The following WWOX variants were observed in gnomAD, a reference collection of about 807,000 sequenced individuals.
The protein encoded by WWOX is WW domain-containing oxidoreductase.
A neutral mutation model predicts 46.2 loss-of-function variants in WWOX; 69 were observed. The observed-to-expected ratio is 1.49, with a 90% CI of 1.23 to 1.82. The LOEUF (loss-of-function observed/expected upper bound fraction) is 1.82, where lower values mean the gene tolerates loss of function less well. Among genes scored for constraint, WWOX ranks in the 40% most tolerant of loss-of-function variants. The pLI is 0.00. For missense variants in WWOX, 919 were observed against 542.6 expected, an observed-to-expected ratio of 1.69 and a Z score of -6.89; for synonymous variants, 359 against 202.6, an observed-to-expected ratio of 1.77 and a Z score of -6.56.
intron 8 of WWOX, among the ~76,000 whole-genome samples, chr16:78,822,404 G>C (rs1282105294): frequency 1.3e-5 from 2 of 152,182 alleles, no homozygotes; most frequent in South Asian, 4.1e-4. Flanking sequence ...TGAGGCAGGA[G>C]AATGGCTTGA....
At chr16:78,502,591 A>G (rs1249647595) in intron 8 of WWOX, among the ~76,000 whole-genome samples, 1 of 152,146 alleles carries the variant, frequency 6.6e-6, no homozygotes, top group African/African-American at 2.4e-5. Context: ...TCATTAGTTC[A>G]TGGATTTTGT....
chr16:78,859,624 G>T (rs972271379), intron 8 of WWOX, among the ~76,000 whole-genome samples: 66 of 152,120 alleles, frequency 4.3e-4, no homozygotes, highest in African/African-American at 1.6e-3. Flanking sequence ...TTATGTGTCA[G>T]TCCCTAAAAC....
intron 8 of WWOX, among the ~76,000 whole-genome samples, chr16:78,619,756 C>CA (rs550200491): frequency 1.5e-4 from 22 of 151,454 alleles, no homozygotes; most frequent in Non-Finnish European, 3.1e-4. Flanking sequence ...ATAAAAGCAA[C>CA]AAAAAAATGA....
chr16:78,507,439 C>T (rs1423274664), intron 8 of WWOX, among the ~76,000 whole-genome samples: 2 of 152,192 alleles, frequency 1.3e-5, no homozygotes, highest in Non-Finnish European at 2.9e-5. Flanking sequence ...AGTCATTTTA[C>T]AGCTCTGGCA....
At chr16:79,138,348 A>G (rs2050023190) in intron 8 of WWOX, among the ~76,000 whole-genome samples, 2 of 152,168 alleles carry the variant, frequency 1.3e-5, no homozygotes, top group South Asian at 4.1e-4. Flanking sequence ...GGAGTCCCTT[A>G]GTGACTCATG....
At position 79,038,025 on chromosome 16, in the gene WWOX, C is replaced by T. The variant is rs370886019; in HGVS notation, c.1057-173583C>T. Among the ~76,000 whole-genome samples the T allele has an allele frequency of 2.0e-5, 3 of 152,238 alleles. No homozygotes were observed. In the East Asian group the frequency reaches 5.8e-4, roughly 29 times the overall value. ...ATGGCAACCAGGCTCCAATATCTGC[C>T]AGTTCCCCTGTACAGATTCCTCTTT... On this transcript the variant is annotated intron_variant, in intron 8 of 8. Transcript: ENST00000566780.
At chr16:78,230,066 G>A (rs1333490084) in intron 5 of WWOX, among the ~76,000 whole-genome samples, 1 of 152,012 alleles carries the variant, frequency 6.6e-6, no homozygotes, top group Non-Finnish European at 1.5e-5. Context: ...TTTTTGTGGA[G>A]ATGGGGTTTT....
intron 8 of WWOX, among the ~76,000 whole-genome samples, chr16:79,092,492 T>A (rs2048982714): frequency 6.6e-6 from 1 of 152,188 alleles, no homozygotes; most frequent in Non-Finnish European, 1.5e-5. Flanking sequence ...ACCCTATACA[T>A]CTTCCAGGAG....
chr16:78,606,604 G>C (rs556930795), intron 8 of WWOX, among the ~76,000 whole-genome samples: 1 of 151,994 alleles, frequency 6.6e-6, no homozygotes, highest in East Asian at 1.9e-4. Flanking sequence ...CAGGAATAAG[G>C]AGAAAAGAAT....
Position 78,488,618 on chromosome 16 carries a change from T to C in WWOX, c.1056+55866T>C, listed in dbSNP as rs149691724. Reference sequence around the variant, plus strand: ...AGAGACCGTGGAGCTGCTTGTGATATACAATGTCAGTGCTCTGAGCTCATT... The same window carrying C: ...AGAGACCGTGGAGCTGCTTGTGATACACAATGTCAGTGCTCTGAGCTCATT... On this transcript the variant is annotated intron_variant, in intron 8 of 8. Coordinates refer to ENST00000566780, the MANE Select transcript of WWOX (RefSeq NM_016373.4). Among the ~76,000 whole-genome samples, 805 of 152,248 alleles carry C rather than the reference T, an allele frequency of 5.3e-3. 6 individuals carry two copies. Among genetic ancestry groups the C allele is most frequent in the Non-Finnish European group, 7.1e-3 (481 of 68,008 alleles).
At chr16:79,126,489 C>A (rs1032310653) in intron 8 of WWOX, among the ~76,000 whole-genome samples, 8 of 152,008 alleles carry the variant, frequency 5.3e-5, no homozygotes, top group Non-Finnish European at 7.4e-5. Flanking sequence ...TTTGGTAGTT[C>A]GTTCTGTGTT....
In WWOX at chr16:78,117,104, C is replaced by T. The variant is rs544495918; in HGVS notation, c.409+1950C>T. Reference sequence around the variant, plus strand: ...TAAATTTGTGGTTGCTGAGAATGGCCCTCACATGTTGGAGTAAAGCCAGAA... The same window carrying T: ...TAAATTTGTGGTTGCTGAGAATGGCTCTCACATGTTGGAGTAAAGCCAGAA... On this transcript the variant is annotated intron_variant, in intron 4 of 8. Transcript: ENST00000566780. Among the ~76,000 whole-genome samples the T allele has an allele frequency of 1.1e-4, 16 of 152,246 alleles. No homozygotes were observed. The South Asian group carries it at 1.5e-3, about 14-fold the overall frequency.
chr16:78,830,603 C>T (rs2051793042), intron 8 of WWOX, among the ~76,000 whole-genome samples: 1 of 151,954 alleles, frequency 6.6e-6, no homozygotes, highest in African/African-American at 2.4e-5. Flanking sequence ...CTAAATTAAG[C>T]CTTCAGACAA....
At chr16:78,881,687 T>C (rs1025864441) in intron 8 of WWOX, among the ~76,000 whole-genome samples, 3 of 152,190 alleles carry the variant, frequency 2.0e-5, no homozygotes, top group African/African-American at 7.2e-5. Context: ...TTGTACATGA[T>C]AGGTTGGCTC....
chr16:79,039,154 C>A (rs1174035002), intron 8 of WWOX, among the ~76,000 whole-genome samples: 1 of 152,024 alleles, frequency 6.6e-6, no homozygotes, highest in Non-Finnish European at 1.5e-5. Flanking sequence ...CTGGGGAATT[C>A]TTTTTGCAGG....
At chr16:78,143,563 A>G (rs2034061755) in intron 4 of WWOX, among the ~76,000 whole-genome samples, 1 of 152,160 alleles carries the variant, frequency 6.6e-6, no homozygotes, top group Non-Finnish European at 1.5e-5. Context: ...GTGAGACCCT[A>G]TGGCCAGCAA....
chr16:78,597,760 GTA>G (rs66672636), intron 8 of WWOX, among the ~76,000 whole-genome samples: 67,749 of 144,710 alleles, frequency 0.47, 17,739 homozygotes, highest in Non-Finnish European at 0.6. Context: ...ATTTATATGT[GTA>G]TATATATATA....
intron 8 of WWOX, among the ~76,000 whole-genome samples, chr16:79,130,651 A>T (rs1007295450): frequency 6.6e-6 from 1 of 152,196 alleles, no homozygotes; most frequent in African/African-American, 2.4e-5. Context: ...GAAGCCAAGA[A>T]CAAATTAACC....
chr16:78,476,698 C>G (rs2084356682), intron 8 of WWOX, among the ~76,000 whole-genome samples: 1 of 152,106 alleles, frequency 6.6e-6, no homozygotes, highest in South Asian at 2.1e-4. Context: ...GATGAAAAGT[C>G]TGCTTAAATT....
Sources: allele counts gnomAD v4.1 joint callset (sites outside exome capture counted in the v4.1 genomes callset), GRCh38; gene constraint gnomAD v4.1.1; transcripts MANE v1.5; gene names NCBI Gene and HGNC (gene_info 2026-07-23, HGNC 2026-07-21).